EFL1: variants seen among roughly 807,000 people sequenced by gnomAD.
The protein encoded by EFL1 is elongation factor like GTPase 1.
EFL1 carries 76 observed loss-of-function variants against 126.7 expected under a neutral mutation model. That is an observed-to-expected ratio of 0.60 (90% CI 0.50 to 0.73). The LOEUF (loss-of-function observed/expected upper bound fraction) is 0.73, where lower values mean the gene tolerates loss of function less well. EFL1 is among the 30% of genes least tolerant of loss of function. EFL1 has a pLI of 0.00. For synonymous variants in EFL1, 410 were observed against 448.4 expected, an observed-to-expected ratio of 0.91 and a Z score of 1.08; for missense variants, 1,128 against 1,343.2, an observed-to-expected ratio of 0.84 and a Z score of 2.50.
At chr15:82,144,133 GC>G (rs1333631215) in intron 18 of EFL1, among the ~76,000 whole-genome samples, 1 of 152,076 alleles carries the variant, frequency 6.6e-6, no homozygotes, top group Admixed American at 6.5e-5. Flanking sequence ...ATGGTGGCAT[GC>G]CTGTGCTTCC....
intron 4 of EFL1, among the ~76,000 whole-genome samples, chr15:82,246,240 T>C (rs1428324656): frequency 1.3e-5 from 2 of 152,140 alleles, no homozygotes; most frequent in Non-Finnish European, 2.9e-5. Flanking sequence ...GCGTAGATAG[T>C]AAATCTAATA....
intron 15 of EFL1, among the ~76,000 whole-genome samples, chr15:82,189,802 G>A (rs2074339583): frequency 1.3e-5 from 2 of 151,856 alleles, no homozygotes; most frequent in African/African-American, 2.4e-5. Flanking sequence ...TATTTTTCAT[G>A]TTTCCAGTCT....
intron 2 of EFL1, among the ~76,000 whole-genome samples, chr15:82,260,092 C>A (rs1011787485): frequency 6.6e-6 from 1 of 152,176 alleles, no homozygotes; most frequent in African/African-American, 2.4e-5. Context: ...CAACGCTTGT[C>A]ATATAGAAGA....
intron 15 of EFL1, among the ~76,000 whole-genome samples, chr15:82,198,252 T>C (rs1470089669): frequency 2.0e-5 from 3 of 152,164 alleles, no homozygotes; most frequent in Non-Finnish European, 2.9e-5. Context: ...AGATGCCTTT[T>C]ACCATCATCC....
chr15:82,182,666 T>C (rs1250920385), intron 15 of EFL1, among the ~76,000 whole-genome samples: 1 of 151,178 alleles, frequency 6.6e-6, no homozygotes. Context: ...TACTAAAAAA[T>C]ACAAAAAAAT....
Position 82,143,077 on chromosome 15 carries a change from TG to T in EFL1, c.2990-4236del, listed in dbSNP as rs200542135. On this transcript the variant is annotated intron_variant, in intron 18 of 19. Transcript: ENST00000268206. ...AGAAGTTTGGTGATTAAAGGTATGT[TG>T]TTTTTTTCAGAATTTAGGAAAGGGA... Among the ~76,000 whole-genome samples the T allele has an allele frequency of 6.8e-3, 1,039 of 152,354 alleles. 11 individuals carry two copies. The highest frequency in any genetic ancestry group is 0.023 in the African/African-American group (972 of 41,578).
intron 5 of EFL1, 79 bp downstream of exon 5, chr15:82,241,191 T>C (rs2074927173): frequency 2.6e-6 from 4 of 1,531,238 alleles, no homozygotes. Flanking sequence ...TGATTGTCAG[T>C]GAAATGCCTA....
At chr15:82,208,969 G>A (rs2074554592) in intron 15 of EFL1, among the ~76,000 whole-genome samples, 3 of 151,802 alleles carry the variant, frequency 2.0e-5, no homozygotes, top group Admixed American at 2.0e-4. Flanking sequence ...AAAATAAAAA[G>A]AAATATGACA....
At chr15:82,228,168 A>G in intron 10 of EFL1, 23 bp downstream of exon 10, 3 of 1,570,480 alleles carry the variant, frequency 1.9e-6, no homozygotes, top group Non-Finnish European at 2.6e-6. Flanking sequence ...TATTTCATTA[A>G]AAACCATTAG....
chr15:82,161,640 T>C (rs951866077), intron 16 of EFL1, among the ~76,000 whole-genome samples: 2 of 152,232 alleles, frequency 1.3e-5, no homozygotes, highest in African/African-American at 4.8e-5. Context: ...TGAAGAAAAT[T>C]ATGTGCCCCT....
At chr15:82,209,729 A>G (rs2074564859) in intron 15 of EFL1, among the ~76,000 whole-genome samples, 1 of 152,240 alleles carries the variant, frequency 6.6e-6, no homozygotes, top group Non-Finnish European at 1.5e-5. Context: ...AGAATTAAAT[A>G]ACTTTAAACT....
intron 2 of EFL1, 93 bp downstream of exon 2, chr15:82,261,595 C>G (rs747231170): frequency 1.4e-5 from 17 of 1,190,740 alleles, no homozygotes; most frequent in Non-Finnish European, 2.0e-5. Context: ...TAGCAAACAT[C>G]ACTCTCAGCT....
intron 15 of EFL1, among the ~76,000 whole-genome samples, chr15:82,180,681 T>A (rs1394282833): frequency 6.6e-6 from 1 of 151,890 alleles, no homozygotes; most frequent in East Asian, 1.9e-4. Context: ...TCTCCCCTTT[T>A]AACATAAAAA....
chr15:82,153,766 G>C (rs983451187), intron 17 of EFL1, among the ~76,000 whole-genome samples: 1 of 152,072 alleles, frequency 6.6e-6, no homozygotes, highest in African/African-American at 2.4e-5. Context: ...TATTAGATCT[G>C]TTAATACCAC....
chr15:82,146,060 A>C (rs2073842657), intron 18 of EFL1, among the ~76,000 whole-genome samples: 1 of 152,136 alleles, frequency 6.6e-6, no homozygotes, highest in South Asian at 2.1e-4. Flanking sequence ...TCATGAGTAA[A>C]AAATGATAAT....
intron 12 of EFL1, among the ~76,000 whole-genome samples, chr15:82,223,339 A>T (rs2141306619): frequency 6.6e-6 from 1 of 152,330 alleles, no homozygotes; most frequent in South Asian, 2.1e-4. Flanking sequence ...ACCTGAAAAC[A>T]CTATATTATT....
At chr15:82,137,369 GA>G (rs982233050) in intron 19 of EFL1, among the ~76,000 whole-genome samples, 1 of 150,846 alleles carries the variant, frequency 6.6e-6, no homozygotes, top group South Asian at 2.1e-4. Flanking sequence ...TAGAGTTTAA[GA>G]AAAAAAAACC....
rs2073921217 is a variant in EFL1 at position 82,152,302 on chromosome 15, T to C, written c.2152A>G (p.Ile718Val). The stretch of plus-strand genomic sequence containing the variant: ...CTTTGATCTTCTTTCATTTGGTGTA[T>C]GACTGCAACTTTTTGCTGTTTGCCT... ...EIGKQQKVAV[I>V]HQMKEDQSKI... is the part of the protein sequence containing the mutation. Residue 718 changes from isoleucine (I) to valine (V), a missense_variant, in exon 18 of 20, where the codon ATA (isoleucine) becomes GTA (valine). Physicochemically the swap from Ile to Val is conservative, Grantham distance 29. Coordinates refer to ENST00000268206, the MANE Select transcript of EFL1 (RefSeq NM_024580.6). 1 of 1,614,196 alleles carries C rather than the reference T, an allele frequency of 6.2e-7. No homozygotes were observed. The highest frequency in any genetic ancestry group is 8.5e-7 in the Non-Finnish European group (1 of 1,180,042).
intron 12 of EFL1, among the ~76,000 whole-genome samples, chr15:82,223,835 A>G (rs950560610): frequency 3.3e-5 from 5 of 152,176 alleles, no homozygotes; most frequent in Non-Finnish European, 7.4e-5. Flanking sequence ...CCACTCATTC[A>G]CCCATTCACT....
Sources: gnomAD v4.1 joint callset for allele counts (sites outside exome capture counted in the v4.1 genomes callset) on GRCh38, gnomAD v4.1.1 for gene constraint, MANE v1.5 for transcripts, NCBI Gene and HGNC (gene_info 2026-07-23, HGNC 2026-07-21) for gene names.